Variants in DNAJC21 observed in about 807,000 individuals in gnomAD.
The protein encoded by DNAJC21 is DnaJ heat shock protein family (Hsp40) member C21, also known as dnaJ homolog subfamily C member 21.
A neutral mutation model predicts 72.4 loss-of-function variants in DNAJC21; 63 were observed. That is an observed-to-expected ratio of 0.87 (90% CI 0.71 to 1.07). DNAJC21 has a LOEUF of 1.07. Among genes scored for constraint, DNAJC21 ranks in the 50% least tolerant of loss-of-function variants. The probability of loss-of-function intolerance (pLI) is 0.00; values close to 1 mark genes in which losing one functional copy is unlikely to be tolerated. For synonymous variants in DNAJC21, 203 were observed against 216.7 expected (o/e 0.94, Z 0.56); for missense variants, 634 against 644.8 (o/e 0.98, Z 0.18).
chr5:34,954,871 A>G lies in DNAJC21; in HGVS notation c.*157A>G, dbSNP rs1234284576. 7 of 880,940 alleles carry G rather than the reference A, an allele frequency of 7.9e-6. No homozygotes were observed. The highest frequency in any genetic ancestry group is 9.6e-6 in the Non-Finnish European group (6 of 625,998). 54.6% of individuals were successfully genotyped at this position (880,940 alleles called of 1,614,324 possible). On this transcript the variant is annotated 3_prime_UTR_variant, in exon 12 of 12. Coordinates refer to ENST00000648817, the MANE Select transcript of DNAJC21 (RefSeq NM_001012339.3). ...TAAAAACACTTTTTTGGTTTAATAT[A>G]TATTTTTAAAACATTTCACTAGTGA...
At chr5:34,939,075 A>G (rs1325442583) in intron 6 of DNAJC21, 66 bp downstream of exon 6, 4 of 1,367,130 alleles carry the variant, frequency 2.9e-6, no homozygotes, top group Non-Finnish European at 3.9e-6. Flanking sequence ...CTCCTTGCTT[A>G]TTTGACATCT....
Position 34,929,804 on chromosome 5 carries a change from C to T in DNAJC21, c.-16C>T, listed in dbSNP as rs368698711. 4.8e-5 allele frequency: 67 copies of T among 1,399,922 alleles called. No individual in the cohort carries two copies. The African/African-American group carries it at 9.3e-4, about 19-fold the overall frequency. The allele number at this position is 1,399,922 out of a possible 1,614,324, so 86.7% of individuals were successfully genotyped here. ...CCGTCCCGGGCCCCAGCGCCGGCCG[C>T]CCGCCCGGTCGGGCGATGAAGTGTC... On this transcript the variant is annotated 5_prime_UTR_variant, in exon 1 of 12. Coordinates refer to ENST00000648817, the MANE Select transcript of DNAJC21 (RefSeq NM_001012339.3).
rs1764812810 is a variant in DNAJC21 at position 34,937,334 on chromosome 5, T to C, written c.447T>C (p.His149=). The C allele has an allele frequency of 1.2e-6, 2 of 1,607,740 alleles. No homozygotes were observed. Among genetic ancestry groups the C allele is most frequent in the East Asian group, 4.5e-5 (2 of 44,816 alleles). Residue 149 remains histidine (H), a synonymous_variant, in exon 5 of 12, where the codon CAT becomes CAC. Coordinates refer to ENST00000648817, the MANE Select transcript of DNAJC21 (RefSeq NM_001012339.3). ...GTTTTCTTTGTCACTAGGTAGTCCA[T>C]CCTTTCTACGCTTATTGGCAGAGTT... ...DSQSDYDTVV[H]PFYAYWQSFC... is the part of the protein sequence containing the mutation.
intron 7 of DNAJC21, among the ~76,000 whole-genome samples, chr5:34,943,452 C>T (rs1008544700): frequency 5.3e-5 from 8 of 152,186 alleles, no homozygotes; most frequent in African/African-American, 1.9e-4. Context: ...AGTCCTTCTA[C>T]CCCTCATTTG....
In DNAJC21 at chr5:34,957,660, G is replaced by A. The variant is rs1765574594; in HGVS notation, c.*2946G>A. ...AATTTTCAGATTGGAAATTACTCTT[G>A]TATTTGTAGAAGATTGTCTCTAAAA... On this transcript the variant is annotated 3_prime_UTR_variant, in exon 12 of 12. Transcript: ENST00000648817. The A allele has an allele frequency of 6.6e-6, 1 of 152,142 alleles. No individual in the cohort carries two copies. The highest frequency in any genetic ancestry group is 2.4e-5 in the African/African-American group (1 of 41,446). The allele number at this position is 152,142 out of a possible 1,614,324, so 9.4% of individuals were successfully genotyped here.
chr5:34,934,058 T>C (rs1303943571), intron 2 of DNAJC21, 150 bp downstream of exon 2: 5 of 624,228 alleles, frequency 8.0e-6, no homozygotes, highest in Non-Finnish European at 1.3e-5. Flanking sequence ...AATCTAACGT[T>C]TGGGTCAGAA....
At chr5:34,950,491 A>G (rs945397513) in intron 10 of DNAJC21, 149 bp downstream of exon 10, 13 of 1,358,188 alleles carry the variant, frequency 9.6e-6, no homozygotes, top group Middle Eastern at 2.7e-4. Flanking sequence ...ACACACACAC[A>G]TATGTATACA....
At chr5:34,941,237 A>T in intron 7 of DNAJC21, 54 bp downstream of exon 7, 7 of 1,511,472 alleles carry the variant, frequency 4.6e-6, no homozygotes, top group Non-Finnish European at 6.4e-6. Context: ...TCACTCTGTC[A>T]CCAAGGCAGG....
chr5:34,935,180 A>G (rs1326274785), intron 2 of DNAJC21, among the ~76,000 whole-genome samples: 1 of 152,192 alleles, frequency 6.6e-6, no homozygotes, highest in African/African-American at 2.4e-5. Flanking sequence ...ATTATTATGG[A>G]TGACAAATTA....
At position 34,929,921 on chromosome 5, in the gene DNAJC21, G is replaced by A. The variant is rs200459314; in HGVS notation, c.97+5G>A. ...TGGCCCTGAAATGGCACCCGGGTAA[G>A]TACCTGTCCCGCAGCCCCCGCGGCC... is the stretch of plus-strand genomic sequence containing the variant. On this transcript the variant is annotated splice_donor_5th_base_variant and intron_variant, in intron 1 of 11. Transcript: ENST00000648817. 853 of 1,570,026 alleles carry A rather than the reference G, an allele frequency of 5.4e-4. 14 individuals are homozygous for A. The South Asian group carries it at 9.5e-3, about 17-fold the overall frequency.
chr5:34,945,602 T>C, intron 8 of DNAJC21, 159 bp from the exon 9 acceptor site: 3 of 599,322 alleles, frequency 5.0e-6, no homozygotes. Flanking sequence ...AATGACAATG[T>C]GAATACTTTA....
At chr5:34,945,139 G>A (rs1037590949) in intron 8 of DNAJC21, 114 bp downstream of exon 8, 38 of 1,255,298 alleles carry the variant, frequency 3.0e-5, no homozygotes, top group African/African-American at 2.6e-4. Flanking sequence ...GTGCAGTGGC[G>A]CAGTCTCAGC....
At chr5:34,938,749 A>G in intron 5 of DNAJC21, 109 bp from the exon 6 acceptor site, 7 of 1,212,448 alleles carry the variant, frequency 5.8e-6, no homozygotes, top group Non-Finnish European at 7.5e-6. Context: ...GTAAGCGTGG[A>G]TAGGTTGGGA....
chr5:34,954,562 A>G lies in DNAJC21; in HGVS notation c.1444A>G (p.Ile482Val), dbSNP rs138564532. The G allele has an allele frequency of 8.7e-6, 14 of 1,609,170 alleles. No homozygotes were observed. Among genetic ancestry groups the G allele is most frequent in the African/African-American group, 8.0e-5 (6 of 74,634 alleles). ...TTTTTGCCCTTCTCAGAGTGTTCTT[A>G]TCAGCTGTACAACCTGCCATAGTGA... ...PAEPQTMSVL[I>V]SCTTCHSEFP... Residue 482 changes from isoleucine (I) to valine (V), a missense_variant, in exon 12 of 12, where the codon ATC becomes GTC. Physicochemically the swap from Ile to Val is conservative, Grantham distance 29. Coordinates refer to ENST00000648817, the MANE Select transcript of DNAJC21 (RefSeq NM_001012339.3).
At chr5:34,953,857 A>AG (rs1381763416) in intron 10 of DNAJC21, 69 bp from the exon 11 acceptor site, 32 of 1,199,186 alleles carry the variant, frequency 2.7e-5, no homozygotes, top group Non-Finnish European at 3.5e-5. Context: ...TGTTCTAGAG[A>AG]GCACTCAAAT....
intron 1 of DNAJC21, 115 bp downstream of exon 1, chr5:34,930,031 G>T: frequency 1.3e-6 from 1 of 791,404 alleles, no homozygotes; most frequent in Admixed American, 3.8e-5. Context: ...GGCGGCCTAG[G>T]AGCTCCTTGC....
intron 1 of DNAJC21, among the ~76,000 whole-genome samples, chr5:34,932,336 G>A (rs1415371226): frequency 6.6e-6 from 1 of 150,810 alleles, no homozygotes; most frequent in South Asian, 2.1e-4. Context: ...CAGGAGAATC[G>A]CTTGAACCCA....
At chr5:34,939,641 T>C (rs1055819875) in intron 6 of DNAJC21, among the ~76,000 whole-genome samples, 13 of 152,210 alleles carry the variant, frequency 8.5e-5, no homozygotes, top group Admixed American at 3.9e-4. Flanking sequence ...AAAGCTGATA[T>C]TGCATGAGAA....
intron 11 of DNAJC21, 76 bp downstream of exon 11, chr5:34,954,077 G>A: frequency 2.2e-6 from 3 of 1,342,782 alleles, no homozygotes; most frequent in South Asian, 3.2e-5. Context: ...AGATGGAAAT[G>A]TGTATTTGGT....
Sources: gnomAD v4.1 joint callset for allele counts (sites outside exome capture counted in the v4.1 genomes callset) on GRCh38, gnomAD v4.1.1 for gene constraint, MANE v1.5 for transcripts, NCBI Gene and HGNC (gene_info 2026-07-23, HGNC 2026-07-21) for gene names.